Variants in PRKN observed in about 807,000 individuals in gnomAD.
The protein encoded by PRKN is parkin RBR E3 ubiquitin protein ligase.
A neutral mutation model predicts 59.5 loss-of-function variants in PRKN; 56 were observed. The ratio of observed to expected loss-of-function variants is 0.94; its 90% CI spans 0.76 to 1.18. The LOEUF (loss-of-function observed/expected upper bound fraction) is 1.18, where lower values mean the gene tolerates loss of function less well. Ranked by LOEUF, PRKN falls within the 50% of genes most tolerant of loss-of-function variation. PRKN has a pLI of 0.00. For synonymous variants in PRKN, 250 were observed against 222.1 expected, an observed-to-expected ratio of 1.13 and a Z score of -1.12; for missense variants, 657 against 596.4, an observed-to-expected ratio of 1.10 and a Z score of -1.06.
At chr6:161,851,858 G>A (rs1279813493) in intron 6 of PRKN, among the ~76,000 whole-genome samples, 2 of 151,398 alleles carry the variant, frequency 1.3e-5, no homozygotes, top group African/African-American at 4.8e-5. Flanking sequence ...AGGCCGAGGC[G>A]GGCGGATCAC....
At chr6:162,693,407 G>T (rs1438370635) in intron 1 of PRKN, among the ~76,000 whole-genome samples, 2 of 152,194 alleles carry the variant, frequency 1.3e-5, no homozygotes, top group African/African-American at 4.8e-5. Context: ...TGGCAATAAA[G>T]GAAAGGTTTT....
In PRKN at chr6:161,680,753, ATATATATATATATATATATATATTTT is replaced by A. The variant is rs1343827993; in HGVS notation, c.871+104993_871+105018del. ...TATATATATATATATATATATATATATATATATATATATATATATATATTTTTTTTTTTTTTTCTTTTCCTAAAACA... is the reference window on the plus strand; with the variant it reads ...TATATATATATATATATATATATATATTTTTTTTTTTCTTTTCCTAAAACA... On this transcript the variant is annotated intron_variant, in intron 7 of 11. Transcript: ENST00000366898. Among the ~76,000 whole-genome samples the A allele has an allele frequency of 2.0e-3, 84 of 41,096 alleles. 3 individuals are homozygous for A. The East Asian group carries it at 0.025, about 12-fold the overall frequency. The allele number at this position is 41,096 out of a possible 152,430, so 27.0% of individuals were successfully genotyped here. A position where few individuals can be genotyped will look rare whatever the true frequency, so the allele number is the denominator to read the frequency against.
intron 1 of PRKN, among the ~76,000 whole-genome samples, chr6:162,485,090 T>C (rs749036090): frequency 2.6e-5 from 4 of 152,214 alleles, no homozygotes; most frequent in African/African-American, 9.6e-5. Context: ...TTCAGAAGTT[T>C]TGTAGTACTT....
chr6:161,535,623 A>G (rs1021113624), intron 9 of PRKN, among the ~76,000 whole-genome samples: 2 of 152,208 alleles, frequency 1.3e-5, no homozygotes, highest in African/African-American at 4.8e-5. Flanking sequence ...TAGCCTCACA[A>G]GTAACTTTTC....
At chr6:161,367,608 G>A (rs576092714) in intron 10 of PRKN, among the ~76,000 whole-genome samples, 2 of 152,066 alleles carry the variant, frequency 1.3e-5, no homozygotes, top group African/African-American at 2.4e-5. Context: ...ATGGCATTCT[G>A]TTCCTCAAAC....
chr6:162,281,692 T>C (rs1364250048), intron 2 of PRKN, among the ~76,000 whole-genome samples: 4 of 152,172 alleles, frequency 2.6e-5, no homozygotes, highest in African/African-American at 7.2e-5. Flanking sequence ...TCAAATACCA[T>C]AGCAAATGAG....
At chr6:162,228,959 C>A (rs1034629842) in intron 3 of PRKN, among the ~76,000 whole-genome samples, 3 of 152,156 alleles carry the variant, frequency 2.0e-5, no homozygotes, top group Admixed American at 2.0e-4. Context: ...TATGCTGGAT[C>A]TTTTGTACAC....
At chr6:161,699,943 C>T (rs1786182851) in intron 7 of PRKN, among the ~76,000 whole-genome samples, 1 of 152,080 alleles carries the variant, frequency 6.6e-6, no homozygotes, top group South Asian at 2.1e-4. Flanking sequence ...GGTTGGAGAG[C>T]TTTAGAAGCC....
intron 5 of PRKN, among the ~76,000 whole-genome samples, chr6:161,985,963 A>G (rs1194535831): frequency 6.6e-6 from 1 of 152,002 alleles, no homozygotes; most frequent in Admixed American, 6.6e-5. Context: ...TCTATCTTCA[A>G]CCCTGGAGGC....
intron 3 of PRKN, among the ~76,000 whole-genome samples, chr6:162,235,512 G>T (rs1320902462): frequency 6.6e-6 from 1 of 152,102 alleles, no homozygotes; most frequent in Non-Finnish European, 1.5e-5. Flanking sequence ...GAAAATTAAA[G>T]AAATACTCCT....
chr6:161,852,053 C>T lies in PRKN; in HGVS notation c.735-66145G>A, dbSNP rs530900490. ...AGTGAGCTGAGATTGTGCCACTGCACTCCAGCCTGGGTGACAGAGCAGGAC... is the reference window on the plus strand; with the variant it reads ...AGTGAGCTGAGATTGTGCCACTGCATTCCAGCCTGGGTGACAGAGCAGGAC... On this transcript the variant is annotated intron_variant, in intron 6 of 11. Transcript: ENST00000366898. 3.3e-4 allele frequency among the ~76,000 whole-genome samples: 49 copies of T among 149,280 alleles called. No individual in the cohort carries two copies. The South Asian group carries it at 1.0e-2, about 30-fold the overall frequency.
At position 162,560,922 on chromosome 6, in the gene PRKN, T is replaced by C. The variant is rs371981183; in HGVS notation, c.8-117449A>G. Among the ~76,000 whole-genome samples, 104 of 137,898 alleles carry C rather than the reference T, an allele frequency of 7.5e-4. No individual in the cohort carries two copies. In the East Asian group the frequency reaches 1.0e-2, roughly 13 times the overall value. 90.5% of individuals were successfully genotyped at this position (137,898 alleles called of 152,430 possible). A position where few individuals can be genotyped will look rare whatever the true frequency, so the allele number is the denominator to read the frequency against. On this transcript the variant is annotated intron_variant, in intron 1 of 11. Transcript: ENST00000366898. ...TGAAGTTATAAAGATGCCCACTGGG[T>C]ATGAGGGTGATAACAGAGATCATTT...
chr6:161,656,171 C>T (rs985814592), intron 7 of PRKN, among the ~76,000 whole-genome samples: 3 of 152,234 alleles, frequency 2.0e-5, no homozygotes, highest in Non-Finnish European at 4.4e-5. Flanking sequence ...AAGACCTGTT[C>T]TCCAAACCAT....
At position 162,453,535 on chromosome 6, in the gene PRKN, C is replaced by T. The variant is rs149838908; in HGVS notation, c.8-10062G>A. 3.6e-3 allele frequency among the ~76,000 whole-genome samples: 545 copies of T among 152,210 alleles called. 2 individuals carry two copies. The highest frequency in any genetic ancestry group is 6.5e-3 in the Non-Finnish European group (443 of 68,018). On this transcript the variant is annotated intron_variant, in intron 1 of 11. Transcript: ENST00000366898. ...GTGTGGGTTCACAGACTAGCTCTGT[C>T]CCATCCTAACCAACTATGTAAGCAT...
At position 161,575,841 on chromosome 6, in the gene PRKN, T is replaced by TC. The variant is rs1237996816; in HGVS notation, c.872-6426dup. ...TTGACAATTACAGTGACCTTCTATT[T>TC]CCCCCCTAAGTACAACTTAGAAAAG... On this transcript the variant is annotated intron_variant, in intron 7 of 11. Coordinates refer to ENST00000366898, the MANE Select transcript of PRKN (RefSeq NM_004562.3). This position sits in a 1 kb window ranked among gnomAD's most constrained non-coding sequence, Gnocchi z 4.6. Among the ~76,000 whole-genome samples, 4 of 152,176 alleles carry TC rather than the reference T, an allele frequency of 2.6e-5. No individual in the cohort carries two copies. The East Asian group carries it at 5.8e-4, about 22-fold the overall frequency.
chr6:161,418,249 G>T (rs540707867), intron 9 of PRKN, among the ~76,000 whole-genome samples: 15 of 152,188 alleles, frequency 9.9e-5, no homozygotes, highest in Admixed American at 5.2e-4. Flanking sequence ...TTTACTCCAC[G>T]GAGAGAAGAA....
At chr6:162,429,357 T>C (rs1789398611) in intron 2 of PRKN, among the ~76,000 whole-genome samples, 1 of 152,154 alleles carries the variant, frequency 6.6e-6, no homozygotes, top group South Asian at 2.1e-4. Flanking sequence ...CTTGTCTGTC[T>C]TACCCATCAC....
intron 1 of PRKN, among the ~76,000 whole-genome samples, chr6:162,523,222 G>A (rs1778144185): frequency 6.6e-6 from 1 of 152,158 alleles, no homozygotes; most frequent in African/African-American, 2.4e-5. Context: ...ACAGGAGAGT[G>A]GGAATTCACA....
intron 9 of PRKN, among the ~76,000 whole-genome samples, chr6:161,426,586 T>C (rs2115040167): frequency 6.6e-6 from 1 of 151,402 alleles, no homozygotes; most frequent in African/African-American, 2.4e-5. Flanking sequence ...AGCTTGCAGA[T>C]GGCCTATTGT....
Sources: gnomAD v4.1 joint callset for allele counts (sites outside exome capture counted in the v4.1 genomes callset) on GRCh38, gnomAD v4.1.1 for gene constraint, Gnocchi (gnomAD v3.1) non-coding constraint, MANE v1.5 for transcripts, NCBI Gene and HGNC (gene_info 2026-07-23, HGNC 2026-07-21) for gene names.